CBFB: variants seen among roughly 807,000 people sequenced by gnomAD.
The protein encoded by CBFB is CBF-beta.
In CBFB, 9 loss-of-function variants were observed where a neutral mutation model predicts 30.4. That is an observed-to-expected ratio of 0.30 (90% CI 0.18 to 0.52). CBFB has a LOEUF of 0.52. CBFB is among the 20% of genes least tolerant of loss of function. The pLI, the probability that CBFB is intolerant of heterozygous loss-of-function variation, is 0.97. For synonymous variants in CBFB, 94 were observed against 84.0 expected, an observed-to-expected ratio of 1.12 and a Z score of -0.65; for missense variants, 170 against 244.0, an observed-to-expected ratio of 0.70 and a Z score of 2.02.
At chr16:67,071,766 G>A (rs933597127) in intron 4 of CBFB, among the ~76,000 whole-genome samples, 5 of 152,282 alleles carry the variant, frequency 3.3e-5, no homozygotes, top group East Asian at 3.9e-4. Flanking sequence ...AGTATCTAGC[G>A]TGCAGTACAG....
chr16:67,072,182 A>G lies in CBFB; in HGVS notation c.399+5384A>G, dbSNP rs184968087. ...TAAGGTCATGTTTAACTGAAATTAT[A>G]TAATATTTTGACCCACAAATTGATT... On this transcript the variant is annotated intron_variant, in intron 4 of 5. Coordinates refer to ENST00000412916, the MANE Select transcript of CBFB (RefSeq NM_022845.3). 1.7e-3 allele frequency among the ~76,000 whole-genome samples: 253 copies of G among 152,340 alleles called. 1 individual carries two copies. Among genetic ancestry groups the G allele is most frequent in the African/African-American group, 5.8e-3 (240 of 41,584 alleles).
At chr16:67,043,860 C>T (rs1464704149) in intron 3 of CBFB, among the ~76,000 whole-genome samples, 1 of 152,220 alleles carries the variant, frequency 6.6e-6, no homozygotes, top group African/African-American at 2.4e-5. Flanking sequence ...AGGTAAGCTT[C>T]ACGTCAGGTA....
At chr16:67,041,534 G>A (rs1399990633) in intron 3 of CBFB, among the ~76,000 whole-genome samples, 1 of 152,078 alleles carries the variant, frequency 6.6e-6, no homozygotes, top group African/African-American at 2.4e-5. Context: ...CCCGGGAAGG[G>A]GAGGTTGCAG....
intron 3 of CBFB, among the ~76,000 whole-genome samples, chr16:67,040,353 AC>A (rs1312883872): frequency 1.3e-5 from 2 of 152,230 alleles, no homozygotes; most frequent in Non-Finnish European, 2.9e-5. Flanking sequence ...TCCTGTTCAT[AC>A]GCAGTTTTGA....
At chr16:67,030,013 C>T in intron 2 of CBFB, 200 bp downstream of exon 2, 1 of 463,452 alleles carries the variant, frequency 2.2e-6, no homozygotes, top group Non-Finnish European at 3.8e-6. Flanking sequence ...CTGGGGCTCG[C>T]CGCGGTGGCG....
chr16:67,082,590 CCT>C (rs1342029738), intron 5 of CBFB, among the ~76,000 whole-genome samples: 4 of 152,032 alleles, frequency 2.6e-5, no homozygotes, highest in Non-Finnish European at 5.9e-5. Flanking sequence ...CAAAATCTCA[CCT>C]CTTTTTTTCT....
At chr16:67,095,123 T>C (rs1433413438) in intron 5 of CBFB, among the ~76,000 whole-genome samples, 1 of 149,938 alleles carries the variant, frequency 6.7e-6, no homozygotes, top group African/African-American at 2.5e-5. Context: ...GGCACGAGAA[T>C]TGTTTGAACC....
intron 3 of CBFB, among the ~76,000 whole-genome samples, chr16:67,046,568 C>T (rs1966630943): frequency 6.6e-6 from 1 of 152,152 alleles, no homozygotes; most frequent in Non-Finnish European, 1.5e-5. Flanking sequence ...GTACAGTTCA[C>T]CTATTTTAAG....
At chr16:67,038,677 G>A (rs918984531) in intron 3 of CBFB, among the ~76,000 whole-genome samples, 1 of 151,490 alleles carries the variant, frequency 6.6e-6, no homozygotes, top group Non-Finnish European at 1.5e-5. Flanking sequence ...CTTCTGGTGC[G>A]TGTATGTGTG....
chr16:67,089,550 T>C (rs1274712082), intron 5 of CBFB, among the ~76,000 whole-genome samples: 1 of 152,242 alleles, frequency 6.6e-6, no homozygotes, highest in East Asian at 1.9e-4. Context: ...GCATATAGGC[T>C]GTTTTTTATG....
At chr16:67,076,467 A>G (rs1416442785) in intron 4 of CBFB, among the ~76,000 whole-genome samples, 1 of 152,202 alleles carries the variant, frequency 6.6e-6, no homozygotes, top group African/African-American at 2.4e-5. Flanking sequence ...AAACCAATAC[A>G]TGTTTTTCCC....
At chr16:67,085,071 T>C (rs538993914) in intron 5 of CBFB, among the ~76,000 whole-genome samples, 2 of 152,246 alleles carry the variant, frequency 1.3e-5, no homozygotes, top group South Asian at 4.1e-4. Flanking sequence ...AATTTCTAGT[T>C]GTGTTAAAAT....
At chr16:67,033,244 A>T (rs537732597) in intron 2 of CBFB, among the ~76,000 whole-genome samples, 2 of 152,252 alleles carry the variant, frequency 1.3e-5, no homozygotes, top group Admixed American at 6.5e-5. Flanking sequence ...ATAAAACTCA[A>T]TCAGCCTCCT....
intron 2 of CBFB, among the ~76,000 whole-genome samples, chr16:67,035,821 T>C (rs1287509910): frequency 6.6e-6 from 1 of 152,234 alleles, no homozygotes; most frequent in Admixed American, 6.5e-5. Context: ...TGCTTTTACT[T>C]CTTTTTTTCT....
chr16:67,063,723 C>T (rs1031793521), intron 3 of CBFB, among the ~76,000 whole-genome samples: 3 of 152,108 alleles, frequency 2.0e-5, no homozygotes, highest in Admixed American at 6.6e-5. Context: ...TGAGCTGCTG[C>T]GGCCAGCCAG....
intron 1 of CBFB, 21 bp downstream of exon 1, chr16:67,029,506 G>C (rs1378185218): frequency 6.3e-7 from 1 of 1,575,728 alleles, no homozygotes; most frequent in Non-Finnish European, 8.6e-7. Flanking sequence ...CGGGCGGGCG[G>C]CTAGGAGGCC....
At chr16:67,036,393 G>A in intron 2 of CBFB, 1 of 407,912 alleles carries the variant, frequency 2.5e-6, no homozygotes, top group Non-Finnish European at 4.4e-6. Flanking sequence ...AAAATGACCT[G>A]AAAGAAAGTA....
At chr16:67,038,775 C>CAAAAA (rs748818065) in intron 3 of CBFB, among the ~76,000 whole-genome samples, 1 of 135,120 alleles carries the variant, frequency 7.4e-6, no homozygotes, top group African/African-American at 2.7e-5. Context: ...AGACGTAAAC[C>CAAAAA]AAAAAAAAAA....
chr16:67,033,736 C>T (rs928909078), intron 2 of CBFB, among the ~76,000 whole-genome samples: 4 of 150,208 alleles, frequency 2.7e-5, no homozygotes, highest in Non-Finnish European at 5.9e-5. Context: ...TTCAGCCTCC[C>T]GAGTAACTGG....
Sources: allele counts gnomAD v4.1 joint callset (sites outside exome capture counted in the v4.1 genomes callset), GRCh38; gene constraint gnomAD v4.1.1; transcripts MANE v1.5; gene names NCBI Gene and HGNC (gene_info 2026-07-23, HGNC 2026-07-21).